Variants in SCFD2 observed in about 807,000 individuals in gnomAD.
The protein encoded by SCFD2 is sec1 family domain containing 2, also known as sec1 family domain-containing protein 2.
Under a neutral mutation model 58.9 loss-of-function variants are expected in SCFD2, and 54 were observed. That is an observed-to-expected ratio of 0.92 (90% CI 0.74 to 1.15). The LOEUF (loss-of-function observed/expected upper bound fraction) is 1.15, where lower values mean the gene tolerates loss of function less well. Among genes scored for constraint, SCFD2 ranks in the 50% most tolerant of loss-of-function variants. The pLI is 0.00. For synonymous variants in SCFD2, 321 were observed against 335.9 expected (o/e 0.96, Z 0.49); for missense variants, 805 against 836.6 (o/e 0.96, Z 0.47).
At chr4:52,964,933 G>T (rs964187159) in intron 5 of SCFD2, among the ~76,000 whole-genome samples, 1 of 151,600 alleles carries the variant, frequency 6.6e-6, no homozygotes, top group Non-Finnish European at 1.5e-5. Context: ...AAAAAGCCTC[G>T]CAGAAATGAC....
chr4:53,170,418 C>T (rs1727146764), intron 4 of SCFD2, among the ~76,000 whole-genome samples: 1 of 152,190 alleles, frequency 6.6e-6, no homozygotes, highest in African/African-American at 2.4e-5. Context: ...CAGTATCATG[C>T]TATTGTAATT....
At chr4:53,321,567 C>CA (rs1469151590) in intron 2 of SCFD2, among the ~76,000 whole-genome samples, 1 of 152,042 alleles carries the variant, frequency 6.6e-6, no homozygotes, top group Non-Finnish European at 1.5e-5. Flanking sequence ...CCAATGACAA[C>CA]AAAAAACCCA....
intron 5 of SCFD2, among the ~76,000 whole-genome samples, chr4:53,063,984 C>G (rs943134000): frequency 8.6e-5 from 13 of 152,022 alleles, no homozygotes; most frequent in African/African-American, 2.9e-4. Flanking sequence ...CCCTCCCTCT[C>G]TCCTTCCCTT....
chr4:53,255,197 T>TTTTTTTTATTTATTTA (rs1553892847), intron 4 of SCFD2, among the ~76,000 whole-genome samples: 1 of 140,620 alleles, frequency 7.1e-6, no homozygotes, highest in South Asian at 2.2e-4. Context: ...TTTTTTTCTT[T>TTTTTTTTATTTATTTA]TTTATTTATT....
At chr4:53,223,882 T>C (rs986476888) in intron 4 of SCFD2, among the ~76,000 whole-genome samples, 6 of 152,152 alleles carry the variant, frequency 3.9e-5, no homozygotes, top group Admixed American at 1.3e-4. Flanking sequence ...ATTACAAAAA[T>C]AATACTTCTG....
chr4:52,898,728 G>C (rs901778838), intron 7 of SCFD2, among the ~76,000 whole-genome samples: 1 of 152,160 alleles, frequency 6.6e-6, no homozygotes, highest in Non-Finnish European at 1.5e-5. Flanking sequence ...CTGTCTTGTT[G>C]ATCTGTCTAA....
At chr4:53,000,197 G>T (rs534462772) in intron 5 of SCFD2, among the ~76,000 whole-genome samples, 295 of 152,318 alleles carry the variant, frequency 1.9e-3, no homozygotes, top group African/African-American at 6.7e-3. Flanking sequence ...TCTGAGGAGA[G>T]CACAGGTTGA....
chr4:53,048,313 G>A (rs1723094979), intron 5 of SCFD2, among the ~76,000 whole-genome samples: 1 of 152,132 alleles, frequency 6.6e-6, no homozygotes, highest in Non-Finnish European at 1.5e-5. Context: ...TCGTGCCACT[G>A]CACCCCAGCC....
chr4:53,051,044 G>T (rs1723179142), intron 5 of SCFD2, among the ~76,000 whole-genome samples: 1 of 152,150 alleles, frequency 6.6e-6, no homozygotes, highest in Non-Finnish European at 1.5e-5. Context: ...CTGTGTGATT[G>T]TTTTATTTCT....
intron 6 of SCFD2, among the ~76,000 whole-genome samples, chr4:52,911,523 T>TA (rs1719486341): frequency 6.6e-6 from 1 of 152,198 alleles, no homozygotes; most frequent in Admixed American, 6.5e-5. Flanking sequence ...TTTATTTTTT[T>TA]AAGGTATGTA....
intron 2 of SCFD2, among the ~76,000 whole-genome samples, chr4:53,341,071 C>A (rs573861765): frequency 4.4e-4 from 67 of 152,328 alleles, no homozygotes; most frequent in African/African-American, 1.3e-3. Context: ...TCCAAAGGAA[C>A]ACAGCTCCTC....
intron 5 of SCFD2, chr4:52,956,010 G>C (rs1405562236): frequency 4.4e-6 from 2 of 455,902 alleles, no homozygotes; most frequent in Non-Finnish European, 8.8e-6. Context: ...CACCATGGAG[G>C]CTTCACTGTG....
intron 8 of SCFD2, among the ~76,000 whole-genome samples, chr4:52,882,121 T>C (rs540525047): frequency 7.9e-5 from 12 of 152,106 alleles, no homozygotes; most frequent in African/African-American, 2.9e-4. Flanking sequence ...AAAACTGGGG[T>C]TGAGGAGAGC....
chr4:52,908,987 T>C (rs946101795), intron 6 of SCFD2, among the ~76,000 whole-genome samples: 1 of 152,170 alleles, frequency 6.6e-6, no homozygotes, highest in African/African-American at 2.4e-5. Context: ...ATAAAGAAAT[T>C]GCAATTAAAG....
intron 3 of SCFD2, among the ~76,000 whole-genome samples, chr4:53,278,249 T>G (rs1731393350): frequency 6.7e-6 from 1 of 149,978 alleles, no homozygotes; most frequent in South Asian, 2.1e-4. Context: ...CACCTGTAGT[T>G]CCAGCTACTC....
At chr4:52,970,154 G>T (rs1721061560) in intron 5 of SCFD2, among the ~76,000 whole-genome samples, 1 of 152,210 alleles carries the variant, frequency 6.6e-6, no homozygotes, top group Non-Finnish European at 1.5e-5. Flanking sequence ...TCACTGGGGA[G>T]TGTTGGAAAG....
intron 4 of SCFD2, among the ~76,000 whole-genome samples, chr4:53,230,677 C>T (rs1052336879): frequency 4.0e-5 from 6 of 151,440 alleles, no homozygotes; most frequent in Non-Finnish European, 5.9e-5. Context: ...TGCTAAATGA[C>T]GAGTTAATGG....
At chr4:52,902,470 T>C (rs141241081) in intron 7 of SCFD2, among the ~76,000 whole-genome samples, 30 of 152,306 alleles carry the variant, frequency 2.0e-4, no homozygotes, top group African/African-American at 6.3e-4. Flanking sequence ...TGGGGGGCAG[T>C]GTATCTATTC....
intron 5 of SCFD2, among the ~76,000 whole-genome samples, chr4:52,985,073 A>G (rs1721458121): frequency 1.3e-5 from 2 of 152,234 alleles, no homozygotes; most frequent in Non-Finnish European, 2.9e-5. Flanking sequence ...CGCTCATTTA[A>G]TTGGGAGCTG....
Sources: allele counts gnomAD v4.1 joint callset (sites outside exome capture counted in the v4.1 genomes callset), GRCh38; gene constraint gnomAD v4.1.1; transcripts MANE v1.5; gene names NCBI Gene and HGNC (gene_info 2026-07-23, HGNC 2026-07-21).